Variants in KCP observed in about 807,000 individuals in gnomAD.
KCP encodes kielin/chordin-like protein.
KCP carries 194 observed loss-of-function variants against 212.7 expected under a neutral mutation model. That is an observed-to-expected ratio of 0.91 (90% CI 0.81 to 1.03). The LOEUF is 1.03. KCP is among the 50% of genes least tolerant of loss of function. KCP has a pLI of 0.00. For synonymous variants in KCP, 833 were observed against 865.3 expected (o/e 0.96, Z 0.65); for missense variants, 2,080 against 2,162.5 (o/e 0.96, Z 0.76).
intron 12 of KCP, 25 bp from the exon 13 acceptor site, chr7:128,893,344 C>T (rs1382012745): frequency 7.1e-6 from 11 of 1,551,540 alleles, no homozygotes; most frequent in Admixed American, 3.9e-5. Context: ...GGTGAGACAC[C>T]CTGAAGGAAT....
rs1585223264 is a variant in KCP, at chr7:128,891,723, T to G, written c.1718A>C (p.His573Pro). Reference sequence around the variant, plus strand: ...CCTGGGGCAGGGGCGAGGCTGGCAGTGGGCATGGCCTTCCTGGCATCGGCA... The same window carrying G: ...CCTGGGGCAGGGGCGAGGCTGGCAGGGGGCATGGCCTTCCTGGCATCGGCA... ...QECRCQEGHA[H>P]CQPRPCPRAP... The change falls in exon 17 of 40, where the codon CAC becomes CCC. Residue 573 changes from histidine (H) to proline (P), a missense_variant. His to Pro is a moderately conservative substitution (Grantham distance 77, BLOSUM62 -2). Coordinates refer to ENST00000610776, the MANE Select transcript of KCP (RefSeq NM_001366122.1). The G allele has an allele frequency of 6.9e-7, 1 of 1,443,186 alleles. No homozygotes were observed. The highest frequency in any genetic ancestry group is 1.5e-5 in the South Asian group (1 of 67,370). 89.4% of individuals were successfully genotyped at this position (1,443,186 alleles called of 1,614,324 possible). A position where few individuals can be genotyped will look rare whatever the true frequency, so the allele number is the denominator to read the frequency against.
chr7:128,908,469 C>G lies in KCP; in HGVS notation c.176G>C (p.Trp59Ser). The change falls in exon 2 of 40, where the codon TGG (tryptophan) becomes TCG (serine). Residue 59 changes from tryptophan (W) to serine (S), a missense_variant. Coordinates refer to ENST00000610776, the MANE Select transcript of KCP (RefSeq NM_001366122.1). ...SQEQWHPLREWLGRLEAAVME... is the reference protein window; with the variant it reads ...SQEQWHPLRESLGRLEAAVME... ...CACTGCAGCCTCCAGTCGCCCCAGC[C>G]ACTCTCGCAGGGGGTGCCACTGCTC... The G allele has an allele frequency of 2.6e-6, 4 of 1,551,976 alleles. No individual in the cohort carries two copies. The highest frequency in any genetic ancestry group is 3.5e-6 in the Non-Finnish European group (4 of 1,147,070).
At position 128,908,566 on chromosome 7, in the gene KCP, C is replaced by T. The variant is rs1282437587; in HGVS notation, c.79G>A (p.Gly27Arg). 6.5e-7 allele frequency: 1 copy of T among 1,549,838 alleles called. No individual in the cohort carries two copies. Among genetic ancestry groups the T allele is most frequent in the East Asian group, 2.4e-5 (1 of 40,866 alleles). The change falls in exon 2 of 40, where the codon GGG becomes AGG. Residue 27 changes from glycine to arginine, a missense_variant and splice_region_variant. Gly to Arg is a moderately radical substitution (Grantham distance 125, BLOSUM62 -2). Coordinates refer to ENST00000610776, the MANE Select transcript of KCP (RefSeq NM_001366122.1). ...ALALAAGAEG[G>R]AVPREPPGQQ... ...CCAGGGGGCTCCCTGGGGACAGCCCCACCTGAAGGGCACAAGAATCCCATG... is the reference window on the plus strand; with the variant it reads ...CCAGGGGGCTCCCTGGGGACAGCCCTACCTGAAGGGCACAAGAATCCCATG...
intron 1 of KCP, 135 bp downstream of exon 1, chr7:128,910,466 T>C: frequency 1.3e-6 from 1 of 771,932 alleles, no homozygotes. Context: ...AGGACGGAGC[T>C]GGCCAGGGAG....
chr7:128,903,715 A>G lies in KCP; in HGVS notation c.748+12T>C, dbSNP rs892837083. ...CCTGTGGCTCTACCAGGGAGGGGCCAGGGGCTCTCACCTTGGCAGGTTGGG... is the reference window on the plus strand; with the variant it reads ...CCTGTGGCTCTACCAGGGAGGGGCCGGGGGCTCTCACCTTGGCAGGTTGGG... On this transcript the variant is annotated intron_variant, in intron 7 of 39. Transcript: ENST00000610776. 1.9e-6 allele frequency: 3 copies of G among 1,542,516 alleles called. No homozygotes were observed. Among genetic ancestry groups the G allele is most frequent in the South Asian group, 2.4e-5 (2 of 82,734 alleles).
chr7:128,902,394 G>T (rs575970518), intron 8 of KCP, among the ~76,000 whole-genome samples: 4 of 152,224 alleles, frequency 2.6e-5, no homozygotes, highest in South Asian at 4.1e-4. Context: ...TTTGAACCTG[G>T]CCACATGTCA....
At chr7:128,878,854 C>T in intron 37 of KCP, 132 bp from the exon 38 acceptor site, 1 of 924,884 alleles carries the variant, frequency 1.1e-6, no homozygotes, top group South Asian at 1.8e-5. Flanking sequence ...CAGGTGGAGG[C>T]TCCCCTTGGA....
chr7:128,891,569 G>A (rs914186611), intron 17 of KCP, 36 bp from the exon 18 acceptor site: 82 of 1,536,498 alleles, frequency 5.3e-5, no homozygotes, highest in Non-Finnish European at 6.4e-5. Flanking sequence ...GGGAGAGGGC[G>A]ACTGCCCCAG....
intron 8 of KCP, among the ~76,000 whole-genome samples, chr7:128,897,112 A>G (rs1035370324): frequency 6.6e-6 from 1 of 152,128 alleles, no homozygotes; most frequent in Non-Finnish European, 1.5e-5. Context: ...ATGGAAAAGA[A>G]GAATGTGTGA....
chr7:128,882,165 T>C (rs1485665790), intron 29 of KCP, 149 bp from the exon 30 acceptor site: 5 of 610,378 alleles, frequency 8.2e-6, no homozygotes, highest in East Asian at 2.8e-5. Flanking sequence ...GGAGGATAAG[T>C]CCTCTTTCTC....
At chr7:128,900,385 C>G (rs561456217) in intron 8 of KCP, among the ~76,000 whole-genome samples, 1 of 152,178 alleles carries the variant, frequency 6.6e-6, no homozygotes. Flanking sequence ...CCAGAGCTCT[C>G]TGGCTGCTGC....
At position 128,877,209 on chromosome 7, in the gene KCP, G is replaced by GAT; in HGVS notation, c.4720_4721insAT (p.Ala1574AspfsTer5). On this transcript the variant is annotated frameshift_variant, in exon 40 of 40. Transcript: ENST00000610776. LOFTEE classifies it high-confidence loss of function. ...GGGCACGCAGGGCCTCACGCAGTGG[G>GAT]CTGCCAGCTCCCCCAGGGGGATATG... is the stretch of plus-strand genomic sequence containing the variant. 1 of 1,476,750 alleles carries GAT rather than the reference G, an allele frequency of 6.8e-7. No individual in the cohort carries two copies. The highest frequency in any genetic ancestry group is 9.0e-7 in the Non-Finnish European group (1 of 1,114,250). The allele number at this position is 1,476,750 out of a possible 1,614,324, so 91.5% of individuals were successfully genotyped here. A position where few individuals can be genotyped will look rare whatever the true frequency, so the allele number is the denominator to read the frequency against.
At chr7:128,906,501 T>C in intron 4 of KCP, 138 bp from the exon 5 acceptor site, 1 of 690,338 alleles carries the variant, frequency 1.4e-6, no homozygotes, top group Middle Eastern at 3.9e-4. Context: ...TGGGCTACCC[T>C]CTGTGTAAAG....
chr7:128,904,849 T>C (rs1168555161), intron 5 of KCP, among the ~76,000 whole-genome samples: 2 of 152,228 alleles, frequency 1.3e-5, no homozygotes, highest in South Asian at 2.1e-4. Context: ...AAGTGTCCGA[T>C]AGGCACATCA....
rs933374984 is a variant in KCP at position 128,880,435 on chromosome 7, C to A, written c.3710G>T (p.Gly1237Val). The A allele has an allele frequency of 4.5e-6, 7 of 1,547,084 alleles. No individual in the cohort carries two copies. Among genetic ancestry groups the A allele is most frequent in the Non-Finnish European group, 5.2e-6 (6 of 1,144,832 alleles). The change falls in exon 34 of 40, where the codon GGC (glycine) becomes GTC (valine). Residue 1237 changes from glycine (G) to valine (V), a missense_variant. Transcript: ENST00000610776. ...GCGCTGGCTCTGGCAACGCACGGTG[C>A]CCGCCATGCAGGAGCAGCTGGTGCA... ...DTCTSCSCMA[G>V]TVRCQSQRCS...
chr7:128,885,347 T>C, intron 26 of KCP, 77 bp from the exon 27 acceptor site: 3 of 1,430,458 alleles, frequency 2.1e-6, no homozygotes, highest in Non-Finnish European at 2.8e-6. Context: ...CCCTCAGTGG[T>C]CAGCTAGGCA....
At chr7:128,885,066 C>A in intron 27 of KCP, 31 bp downstream of exon 27, 1 of 1,550,372 alleles carries the variant, frequency 6.5e-7, no homozygotes, top group South Asian at 1.2e-5. Flanking sequence ...TCCCTCCTCG[C>A]CTTTCCCCTC....
In KCP at chr7:128,894,001, T is replaced by C; in HGVS notation, c.980A>G (p.Asp327Gly). 6.5e-7 allele frequency: 1 copy of C among 1,550,012 alleles called. No homozygotes were observed. Among genetic ancestry groups the C allele is most frequent in the Non-Finnish European group, 8.7e-7 (1 of 1,146,374 alleles). Residue 327 changes from aspartate (D) to glycine (G), a missense_variant, in exon 10 of 40, where the codon GAC becomes GGC. Physicochemically the swap from Asp to Gly is moderately conservative, Grantham distance 94. Transcript: ENST00000610776. The stretch of plus-strand genomic sequence containing the variant: ...AGCACAGCGGCAGTGCGAGCAGGGG[T>C]CCCCTGAGCCCACAGGCTCCCCGCT... ...HRSGEPVGSG[D>G]PCSHCRCANG...
rs1793682538 is a variant in KCP at position 128,886,886 on chromosome 7, A to G, written c.2679T>C (p.Pro893=). Residue 893 remains proline (P), a synonymous_variant, in exon 24 of 40, where the codon CCT becomes CCC. Transcript: ENST00000610776. The part of the protein sequence containing the change: ...PHPSPGPCFC[P]VCHSCLSQGR... ...AGGAAGGCAGCTCACTGTGGCAAAC[A>G]GGGCAGAAGCAGGGGCCTGGAGAGG... is the stretch of plus-strand genomic sequence containing the variant. The G allele has an allele frequency of 1.3e-6, 2 of 1,493,756 alleles. No homozygotes were observed. The highest frequency in any genetic ancestry group is 1.8e-6 in the Non-Finnish European group (2 of 1,102,264). 92.5% of individuals were successfully genotyped at this position (1,493,756 alleles called of 1,614,324 possible).
Sources: allele counts gnomAD v4.1 joint callset (sites outside exome capture counted in the v4.1 genomes callset), GRCh38; gene constraint gnomAD v4.1.1; transcripts MANE v1.5; gene names NCBI Gene and HGNC (gene_info 2026-07-23, HGNC 2026-07-21).